Variants in DAB2 observed in about 807,000 individuals in gnomAD.
DAB2 encodes the protein DAB adaptor protein 2.
A neutral mutation model predicts 71.6 loss-of-function variants in DAB2; 28 were observed. That is an observed-to-expected ratio of 0.39 (90% confidence interval 0.29 to 0.54). The LOEUF (loss-of-function observed/expected upper bound fraction) is 0.54, where lower values mean the gene tolerates loss of function less well. Ranked by LOEUF, DAB2 falls within the 20% of genes least tolerant of loss-of-function variation. The probability of loss-of-function intolerance (pLI) is 0.68; values close to 1 mark genes in which losing one functional copy is unlikely to be tolerated. For synonymous variants in DAB2, 345 were observed against 339.7 expected, an observed-to-expected ratio of 1.02 and a Z score of -0.17; for missense variants, 867 against 928.8, an observed-to-expected ratio of 0.93 and a Z score of 0.86.
chr5:39,420,780 T>C (rs1178141998), intron 1 of DAB2, among the ~76,000 whole-genome samples: 1 of 152,164 alleles, frequency 6.6e-6, no homozygotes, highest in Non-Finnish European at 1.5e-5. Context: ...ACTTAGTAAC[T>C]TCCATTTTTA....
intron 14 of DAB2, among the ~76,000 whole-genome samples, chr5:39,374,325 G>A (rs1561363296): frequency 1.4e-5 from 2 of 141,866 alleles, no homozygotes; most frequent in Non-Finnish European, 3.2e-5. Flanking sequence ...TTTGAGATCA[G>A]AATAAAGTTG....
At chr5:39,420,864 G>C (rs1379557303) in intron 1 of DAB2, among the ~76,000 whole-genome samples, 1 of 152,170 alleles carries the variant, frequency 6.6e-6, no homozygotes, top group Non-Finnish European at 1.5e-5. Flanking sequence ...AAGGATGCGG[G>C]AAGGGGAGTA....
intron 7 of DAB2, 90 bp from the exon 8 acceptor site, chr5:39,388,942 T>A: frequency 1.5e-6 from 2 of 1,333,694 alleles, no homozygotes; most frequent in East Asian, 2.3e-5. Context: ...GCAGCAATGG[T>A]TTTGGTATCA....
At chr5:39,417,273 G>A (rs1755869966) in intron 1 of DAB2, 1 of 150,536 alleles carries the variant, frequency 6.6e-6, no homozygotes, top group Admixed American at 6.7e-5. Context: ...TTCTCCACAT[G>A]TACCCCAGAA....
chr5:39,402,459 C>T (rs914415880), intron 1 of DAB2, among the ~76,000 whole-genome samples: 34 of 152,144 alleles, frequency 2.2e-4, no homozygotes, highest in African/African-American at 8.2e-4. Context: ...TCTTGTTGCC[C>T]AGGCTGGAGT....
intron 6 of DAB2, 135 bp from the exon 7 acceptor site, chr5:39,389,258 C>T (rs1236779472): frequency 3.3e-6 from 2 of 608,888 alleles, no homozygotes; most frequent in Non-Finnish European, 5.7e-6. Context: ...CCTCCGTTCC[C>T]CTCCCCTTTT....
At chr5:39,392,942 G>A (rs62358408) in intron 3 of DAB2, among the ~76,000 whole-genome samples, 4,017 of 152,276 alleles carry the variant, frequency 0.026, 84 homozygotes, top group South Asian at 0.085. Flanking sequence ...AGTAAGACAA[G>A]CAATGCAAAT....
chr5:39,393,231 T>C (rs200110380), intron 3 of DAB2, 23 bp downstream of exon 3: 4 of 1,611,878 alleles, frequency 2.5e-6, no homozygotes, highest in East Asian at 4.5e-5. Flanking sequence ...AATATACAGA[T>C]AAAGCATTCA....
intron 1 of DAB2, among the ~76,000 whole-genome samples, chr5:39,418,565 T>G (rs1755902010): frequency 6.6e-6 from 1 of 152,208 alleles, no homozygotes; most frequent in South Asian, 2.1e-4. Flanking sequence ...ACTATAGACC[T>G]TAAGAGGACT....
intron 1 of DAB2, among the ~76,000 whole-genome samples, chr5:39,415,987 T>G (rs1755836088): frequency 6.6e-6 from 1 of 152,128 alleles, no homozygotes; most frequent in Admixed American, 6.6e-5. Flanking sequence ...GTTTAATGAA[T>G]GAGTCAAACC....
At chr5:39,403,839 T>C (rs1409816336) in intron 1 of DAB2, among the ~76,000 whole-genome samples, 1 of 152,154 alleles carries the variant, frequency 6.6e-6, no homozygotes, top group Non-Finnish European at 1.5e-5. Context: ...TTGTTTTTTT[T>C]AATAACTTGT....
At position 39,394,360 on chromosome 5, in the gene DAB2, C is replaced by T. The variant is rs762525744; in HGVS notation, c.-40G>A. The stretch of plus-strand genomic sequence containing the variant: ...CAGCAAACCTCAGTACCAGTGGACA[C>T]TTGGTGACACCAGGCGATCCCGATG... On this transcript the variant is annotated 5_prime_UTR_variant, in exon 2 of 15. The change creates a new upstream start codon in the 5' untranslated region. Transcript: ENST00000320816. The T allele has an allele frequency of 2.1e-6, 3 of 1,450,596 alleles. No homozygotes were observed. The highest frequency in any genetic ancestry group is 3.3e-5 in the Admixed American group (2 of 59,774). The allele number at this position is 1,450,596 out of a possible 1,614,324, so 89.9% of individuals were successfully genotyped here. A position where few individuals can be genotyped will look rare whatever the true frequency, so the allele number is the denominator to read the frequency against.
chr5:39,413,607 T>A (rs138284430), intron 1 of DAB2, among the ~76,000 whole-genome samples: 28 of 152,250 alleles, frequency 1.8e-4, no homozygotes, highest in Non-Finnish European at 3.4e-4. Context: ...ATTAACATGA[T>A]TTTTCCCAAT....
intron 1 of DAB2, among the ~76,000 whole-genome samples, chr5:39,403,508 T>C (rs1484489670): frequency 2.0e-5 from 3 of 152,086 alleles, no homozygotes; most frequent in Admixed American, 2.0e-4. Context: ...TGAATCAAAA[T>C]AGAAAAAGGA....
intron 6 of DAB2, among the ~76,000 whole-genome samples, chr5:39,389,516 A>AGTTT (rs577694462): frequency 6.6e-6 from 1 of 152,074 alleles, no homozygotes; most frequent in South Asian, 2.1e-4. Context: ...TACAGTTTTA[A>AGTTT]GTTTGTTTGT....
chr5:39,389,249 C>T (rs1755168179), intron 6 of DAB2, 126 bp from the exon 7 acceptor site: 7 of 626,628 alleles, frequency 1.1e-5, no homozygotes, highest in Non-Finnish European at 1.9e-5. Context: ...TATTTCTGCC[C>T]TCCGTTCCCC....
intron 1 of DAB2, among the ~76,000 whole-genome samples, chr5:39,410,672 ATG>A (rs1755703989): frequency 2.0e-5 from 3 of 152,216 alleles, no homozygotes; most frequent in Admixed American, 2.0e-4. Context: ...ATCTTTTAAT[ATG>A]TGTTATTCAA....
At chr5:39,377,722 A>G (rs1754865940) in intron 11 of DAB2, among the ~76,000 whole-genome samples, 2 of 152,214 alleles carry the variant, frequency 1.3e-5, no homozygotes, top group African/African-American at 4.8e-5. Context: ...AAGATAATCC[A>G]TTGGACTCTC....
intron 14 of DAB2, chr5:39,374,651 C>A: frequency 4.7e-6 from 1 of 211,504 alleles, no homozygotes; most frequent in South Asian, 7.9e-5. Context: ...TATAGGAAAC[C>A]AAATTATTAC....
Sources: allele counts gnomAD v4.1 joint callset (sites outside exome capture counted in the v4.1 genomes callset), GRCh38; gene constraint gnomAD v4.1.1; transcripts MANE v1.5; gene names NCBI Gene and HGNC (gene_info 2026-07-23, HGNC 2026-07-21).